BOD1L1: variants seen among roughly 807,000 people sequenced by gnomAD.
BOD1L1 encodes the protein biorientation of chromosomes in cell division 1 like 1, also known as biorientation of chromosomes in cell division protein 1-like 1.
In BOD1L1, 86 loss-of-function variants were observed where a neutral mutation model predicts 240.7. The observed-to-expected ratio is 0.36, with a 90% CI of 0.30 to 0.43. The LOEUF (loss-of-function observed/expected upper bound fraction) is 0.43. Ranked by LOEUF, BOD1L1 falls within the 20% of genes least tolerant of loss-of-function variation. BOD1L1 has a pLI of 1.00. For synonymous variants in BOD1L1, 1,268 were observed against 1,272.3 expected (o/e 1.00, Z 0.07); for missense variants, 3,554 against 3,643.5 (o/e 0.98, Z 0.63).
At chr4:13,588,048 C>T (rs1713852688) in intron 15 of BOD1L1, among the ~76,000 whole-genome samples, 1 of 151,906 alleles carries the variant, frequency 6.6e-6, no homozygotes, top group Non-Finnish European at 1.5e-5. Flanking sequence ...ATTAGCTGGG[C>T]GTGGTGGCGG....
chr4:13,582,218 T>C lies in BOD1L1; in HGVS notation c.8592+19A>G. Reference sequence around the variant, plus strand: ...GCTTAAATAATTGTGAACAAACAAATACGAAAAGCACATCTCACCTCCTGA... The same window carrying C: ...GCTTAAATAATTGTGAACAAACAAACACGAAAAGCACATCTCACCTCCTGA... On this transcript the variant is annotated intron_variant, in intron 19 of 25. Coordinates refer to ENST00000040738, the MANE Select transcript of BOD1L1 (RefSeq NM_148894.3). 6.3e-7 allele frequency: 1 copy of C among 1,596,256 alleles called. No homozygotes were observed. Among genetic ancestry groups the C allele is most frequent in the Non-Finnish European group, 8.6e-7 (1 of 1,167,084 alleles).
chr4:13,584,025 C>G (rs540767595), intron 17 of BOD1L1, among the ~76,000 whole-genome samples: 1 of 152,294 alleles, frequency 6.6e-6, no homozygotes, highest in East Asian at 1.9e-4. Flanking sequence ...GCAAGACTAA[C>G]AGGTGATGTC....
Position 13,627,447 on chromosome 4 carries a change from G to A in BOD1L1, c.141C>T (p.Gly47=). 1.6e-6 allele frequency: 2 copies of A among 1,239,412 alleles called. No individual in the cohort carries two copies. Among genetic ancestry groups the A allele is most frequent in the Non-Finnish European group, 2.0e-6 (2 of 976,944 alleles). The allele number at this position is 1,239,412 out of a possible 1,614,324, so 76.8% of individuals were successfully genotyped here. The change falls in exon 1 of 26, where the codon GGC becomes GGT. Residue 47 remains glycine, a synonymous_variant. Transcript: ENST00000040738. ...GAGGAGGAGA[G]AGDPQLVAMI... is the part of the protein sequence containing the mutation. ...TGGCCACGAGCTGCGGGTCCCCGGC[G>A]CCCGCACCCGCGCCGCCCGCCCCGC...
intron 25 of BOD1L1, among the ~76,000 whole-genome samples, chr4:13,576,564 G>A (rs991906582): frequency 9.2e-5 from 14 of 152,144 alleles, no homozygotes; most frequent in Non-Finnish European, 7.4e-5. Flanking sequence ...GATGGCAGAT[G>A]CTCAAAAAAT....
chr4:13,604,163 T>C lies in BOD1L1; in HGVS notation c.2737A>G (p.Lys913Glu). 6.2e-7 allele frequency: 1 copy of C among 1,613,132 alleles called. No individual in the cohort carries two copies. Among genetic ancestry groups the C allele is most frequent in the Non-Finnish European group, 8.5e-7 (1 of 1,179,716 alleles). ...LLEEKLVLKS[K>E]SKTQGKQVKV... ...ACCTGTTTGCCTTGAGTTTTTGATT[T>C]AGACTTCAACACAAGTTTCTCTTCT... The change falls in exon 10 of 26, where the codon AAA becomes GAA. Residue 913 changes from lysine (K) to glutamate (E), a missense_variant. Physicochemically the swap from Lys to Glu is moderately conservative, Grantham distance 56. Coordinates refer to ENST00000040738, the MANE Select transcript of BOD1L1 (RefSeq NM_148894.3).
chr4:13,605,135 G>C, intron 9 of BOD1L1, 51 bp from the exon 10 acceptor site: 1 of 1,370,486 alleles, frequency 7.3e-7, no homozygotes, highest in Non-Finnish European at 9.6e-7. Flanking sequence ...TCAATTTTTA[G>C]ATTAAAACAT....
chr4:13,615,472 T>C lies in BOD1L1; in HGVS notation c.399A>G (p.Arg133=). ...KSGMLESGID[R]IISQVVDPKI... is the part of the protein sequence containing the mutation. ...TTGGGTCCACAACCTGAGAAATAAT[T>C]CGGTCAATACCAGACTCCAACATTC... Residue 133 remains arginine, a synonymous_variant, in exon 3 of 26, where the codon CGA becomes CGG. Transcript: ENST00000040738. The C allele has an allele frequency of 6.2e-7, 1 of 1,612,282 alleles. No homozygotes were observed. Among genetic ancestry groups the C allele is most frequent in the Non-Finnish European group, 8.5e-7 (1 of 1,178,954 alleles).
Position 13,604,440 on chromosome 4 carries a change from A to G in BOD1L1, c.2460T>C (p.Val820=), listed in dbSNP as rs760714310. Reference sequence around the variant, plus strand: ...TCTCTTTTTTGTTGTTTTCTTTACGAACATTCTCATCTGTTTTTATAATAT... The same window carrying G: ...TCTCTTTTTTGTTGTTTTCTTTACGGACATTCTCATCTGTTTTTATAATAT... ...SEYIIKTDEN[V]RKENNKKERR... The change falls in exon 10 of 26, where the codon GTT becomes GTC. Residue 820 remains valine (V), a synonymous_variant. Transcript: ENST00000040738. The G allele has an allele frequency of 4.1e-5, 64 of 1,567,802 alleles. No homozygotes were observed. The highest frequency in any genetic ancestry group is 4.8e-5 in the Non-Finnish European group (56 of 1,166,554).
In BOD1L1 at chr4:13,613,647, C is replaced by A; in HGVS notation, c.1189G>T (p.Asp397Tyr). The A allele has an allele frequency of 1.3e-6, 2 of 1,548,944 alleles. No homozygotes were observed. Among genetic ancestry groups the A allele is most frequent in the South Asian group, 1.2e-5 (1 of 80,188 alleles). Residue 397 changes from aspartate to tyrosine, a missense_variant, in exon 5 of 26, where the codon GAT (aspartate) becomes TAT (tyrosine). By Grantham distance (160) the Asp-to-Tyr change is radical. Transcript: ENST00000040738. This position sits in a 1 kb window ranked among gnomAD's most constrained non-coding sequence, Gnocchi z 4.0. Reference sequence around the variant, plus strand: ...TCTGTAAGTCCATCCACATCAGAATCTATCAAAGAGAAATCTTCAAGCGGA... The same window carrying A: ...TCTGTAAGTCCATCCACATCAGAATATATCAAAGAGAAATCTTCAAGCGGA... ...EGTKEDFSLI[D>Y]SDVDGLTDIT...
Position 13,580,097 on chromosome 4 carries a change from T to C in BOD1L1, c.8704-124A>G, listed in dbSNP as rs76607476. The C allele has an allele frequency of 0.011, 7,507 of 654,270 alleles. 389 individuals are homozygous for C. In the African/African-American group the frequency reaches 0.12, roughly 10 times the overall value. The allele number at this position is 654,270 out of a possible 1,614,324, so 40.5% of individuals were successfully genotyped here. ...TATTTACATAGGCGTATTTGAGACCTATTTTCTGTAATTGATTAAGTATAC... is the reference window on the plus strand; with the variant it reads ...TATTTACATAGGCGTATTTGAGACCCATTTTCTGTAATTGATTAAGTATAC... On this transcript the variant is annotated intron_variant, in intron 21 of 25. Coordinates refer to ENST00000040738, the MANE Select transcript of BOD1L1 (RefSeq NM_148894.3).
chr4:13,614,409 T>G lies in BOD1L1; in HGVS notation c.961A>C (p.Lys321Gln), dbSNP rs1185019499. 1 of 1,584,536 alleles carries G rather than the reference T, an allele frequency of 6.3e-7. No homozygotes were observed. The highest frequency in any genetic ancestry group is 8.6e-7 in the Non-Finnish European group (1 of 1,163,104). Residue 321 changes from lysine to glutamine, a missense_variant, in exon 4 of 26, where the codon AAA becomes CAA. Lys to Gln is a moderately conservative substitution (Grantham distance 53). Transcript: ENST00000040738. ...TTGCTGTCTGGCTTCTTTTCACCTT[T>G]GTCTGTTGATTTATTTTTTTGCTCA... Reference protein sequence around the residue: ...SSEQKNKSTDKGEKKPDSNEK... With the variant: ...SSEQKNKSTDQGEKKPDSNEK...
chr4:13,603,782 A>G lies in BOD1L1; in HGVS notation c.3118T>C (p.Ser1040Pro). ...ACTTCTTTACCATCCTTGTCATCTG[A>G]TTTATTTTCGTCCTTCTTTTTTATG... ...KDIKKKDENKSDDKDGKEVDS... is the reference protein window; with the variant it reads ...KDIKKKDENKPDDKDGKEVDS... The change falls in exon 10 of 26, where the codon TCA (serine) becomes CCA (proline). Residue 1040 changes from serine (S) to proline (P), a missense_variant. Transcript: ENST00000040738. The G allele has an allele frequency of 1.2e-6, 2 of 1,613,014 alleles. No individual in the cohort carries two copies. Among genetic ancestry groups the G allele is most frequent in the Non-Finnish European group, 1.7e-6 (2 of 1,179,730 alleles).
In BOD1L1 at chr4:13,604,136, T is replaced by C; in HGVS notation, c.2764A>G (p.Lys922Glu). 1 of 1,613,520 alleles carries C rather than the reference T, an allele frequency of 6.2e-7. No homozygotes were observed. Among genetic ancestry groups the C allele is most frequent in the Middle Eastern group, 1.7e-4 (1 of 6,060 alleles). Residue 922 changes from lysine (K) to glutamate (E), a missense_variant, in exon 10 of 26, where the codon AAA (lysine) becomes GAA (glutamate). Around this residue, in one of 2 missense-constraint regions of BOD1L1, gnomAD observed 3,393 missense variants for 3,427.1 expected, o/e 0.99. Transcript: ENST00000040738. The part of the protein sequence containing the change: ...SKSKTQGKQV[K>E]VVETELQEGA... ...TCTTGTAATTCTGTTTCTACAACTT[T>C]TACCTGTTTGCCTTGAGTTTTTGAT...
At chr4:13,572,991 A>G in intron 25 of BOD1L1, 3 of 507,130 alleles carry the variant, frequency 5.9e-6, no homozygotes, top group South Asian at 4.1e-5. Flanking sequence ...ACCACTGCTG[A>G]TAAGTCGATC....
At position 13,582,123 on chromosome 4, in the gene BOD1L1, A is replaced by C. The variant is rs953205645; in HGVS notation, c.8592+114T>G. 9 of 789,548 alleles carry C rather than the reference A, an allele frequency of 1.1e-5. No individual in the cohort carries two copies. The Admixed American group carries it at 1.4e-4, about 13-fold the overall frequency. The allele number at this position is 789,548 out of a possible 1,614,324, so 48.9% of individuals were successfully genotyped here. A position where few individuals can be genotyped will look rare whatever the true frequency, so the allele number is the denominator to read the frequency against. On this transcript the variant is annotated intron_variant, in intron 19 of 25. Coordinates refer to ENST00000040738, the MANE Select transcript of BOD1L1 (RefSeq NM_148894.3). The stretch of plus-strand genomic sequence containing the variant: ...AATGGTGTTCCATTGCACTAAAAAA[A>C]CCGCAGCTTCTTCAAAGTACTTAAG...
Position 13,627,680 on chromosome 4 carries a change from C to A in BOD1L1, c.-93G>T, listed in dbSNP as rs1421581064. 2 of 998,128 alleles carry A rather than the reference C, an allele frequency of 2.0e-6. No homozygotes were observed. Among genetic ancestry groups the A allele is most frequent in the East Asian group, 9.0e-5 (1 of 11,108 alleles). The allele number at this position is 998,128 out of a possible 1,614,324, so 61.8% of individuals were successfully genotyped here. A position where few individuals can be genotyped will look rare whatever the true frequency, so the allele number is the denominator to read the frequency against. On this transcript the variant is annotated 5_prime_UTR_variant, in exon 1 of 26. Transcript: ENST00000040738. Reference sequence around the variant, plus strand: ...GGTCCCGCCGCCTGAGGGAAGCCAACGGGATGTTGTTACGGAACCAGCGGA... The same window carrying A: ...GGTCCCGCCGCCTGAGGGAAGCCAAAGGGATGTTGTTACGGAACCAGCGGA...
intron 5 of BOD1L1, among the ~76,000 whole-genome samples, chr4:13,611,387 A>G (rs2108976768): frequency 6.6e-6 from 1 of 152,362 alleles, no homozygotes; most frequent in African/African-American, 2.4e-5. Context: ...GGAGCAAAGA[A>G]TGATTCATGA....
At chr4:13,622,653 G>A (rs967459497) in intron 1 of BOD1L1, among the ~76,000 whole-genome samples, 1 of 152,220 alleles carries the variant, frequency 6.6e-6, no homozygotes, top group Non-Finnish European at 1.5e-5. Context: ...TCTGTTCCAA[G>A]GCATTCTCAT....
At chr4:13,614,998 T>C (rs142265866) in intron 3 of BOD1L1, among the ~76,000 whole-genome samples, 188 bp from the exon 4 acceptor site, 1 of 152,322 alleles carries the variant, frequency 6.6e-6, no homozygotes, top group East Asian at 1.9e-4. Flanking sequence ...CTCTCTAATA[T>C]ATTATCTTAG....
Sources: allele counts gnomAD v4.1 joint callset (sites outside exome capture counted in the v4.1 genomes callset), GRCh38; gene constraint gnomAD v4.1.1; regional missense constraint gnomAD v4.1.1; non-coding constraint Gnocchi (gnomAD v3.1); transcripts MANE v1.5; gene names NCBI Gene and HGNC (gene_info 2026-07-23, HGNC 2026-07-21).